The following NFASC variants were observed in gnomAD, a reference collection of about 807,000 sequenced individuals.
NFASC encodes the protein neurofascin.
NFASC carries 43 observed loss-of-function variants against 147.5 expected under a neutral mutation model. That is an observed-to-expected ratio of 0.29 (90% CI 0.23 to 0.38). The LOEUF (loss-of-function observed/expected upper bound fraction) is 0.38. NFASC is among the 10% of genes least tolerant of loss of function. The pLI, the probability that NFASC is intolerant of heterozygous loss-of-function variation, is 1.00. For synonymous variants in NFASC, 622 were observed against 665.5 expected (o/e 0.93, Z 1.01); for missense variants, 1,320 against 1,689.0 (o/e 0.78, Z 3.83).
intron 8 of NFASC, chr1:204,962,230 C>G: frequency 7.8e-7 from 1 of 1,287,870 alleles, no homozygotes; most frequent in Non-Finnish European, 1.1e-6. Context: ...TGACTGATAC[C>G]ACGTCATTAA....
intron 1 of NFASC, among the ~76,000 whole-genome samples, chr1:204,885,391 G>A (rs538713328): frequency 8.3e-6 from 1 of 120,724 alleles, no homozygotes; most frequent in Non-Finnish European, 1.7e-5. Flanking sequence ...TTGCCCTGTG[G>A]GGGGGGAAGC....
At position 204,855,325 on chromosome 1, in the gene NFASC, C is replaced by G. The variant is rs182649158; in HGVS notation, c.-200+26543C>G. Among the ~76,000 whole-genome samples the G allele has an allele frequency of 7.2e-5, 11 of 152,310 alleles. No individual in the cohort carries two copies. In the East Asian group the frequency reaches 2.1e-3, roughly 29 times the overall value. On this transcript the variant is annotated intron_variant, in intron 1 of 29. Transcript: ENST00000339876. ...TGTATAACTGGGAACCAAGAGACAG[C>G]AATGGGATTGAGAAGGAGAAAGGCC...
chr1:204,870,340 A>G (rs1176578706), intron 1 of NFASC, among the ~76,000 whole-genome samples: 2 of 152,134 alleles, frequency 1.3e-5, no homozygotes, highest in Non-Finnish European at 2.9e-5. Flanking sequence ...TCTGTGCGGG[A>G]GCCATTGTCC....
chr1:204,931,142 C>T (rs1335281010), intron 2 of NFASC, among the ~76,000 whole-genome samples: 1 of 152,160 alleles, frequency 6.6e-6, no homozygotes, highest in African/African-American at 2.4e-5. Context: ...CTGAGCTGCT[C>T]TGCAAACATT....
intron 10 of NFASC, 49 bp downstream of exon 10, chr1:204,969,031 C>A (rs1412491217): frequency 1.3e-6 from 2 of 1,526,462 alleles, no homozygotes; most frequent in Admixed American, 1.8e-5. Context: ...ACCCTGAACA[C>A]CATGCCCACC....
rs1182937820 is a variant in NFASC at position 204,843,694 on chromosome 1, T to TTCTCTCTTTC, written c.-200+14928_-200+14937dup. ...TCCCTTCCTCCCTTCCTTTCTCCCT[T>TTCTCTCTTTC]TCTCTCTTTCTCTCTCTTTCTCTCT... On this transcript the variant is annotated intron_variant, in intron 1 of 29. Coordinates refer to ENST00000339876, the MANE Select transcript of NFASC (RefSeq NM_001005388.3). Among the ~76,000 whole-genome samples, 14 of 140,532 alleles carry TTCTCTCTTTC rather than the reference T, an allele frequency of 1.0e-4. No individual in the cohort carries two copies. The East Asian group carries it at 3.2e-3, about 32-fold the overall frequency. The allele number at this position is 140,532 out of a possible 152,430, so 92.2% of individuals were successfully genotyped here.
rs373195062 is a variant in NFASC at position 204,858,256 on chromosome 1, G to T, written c.-200+29474G>T. Among the ~76,000 whole-genome samples, 165 of 152,162 alleles carry T rather than the reference G, an allele frequency of 1.1e-3. 1 individual carries two copies. Among genetic ancestry groups the T allele is most frequent in the South Asian group, 4.4e-3 (21 of 4,812 alleles). ...TCTTATAAGGATGCCAGTCATATTG[G>T]ATTAAGGCCTACCCATGTGAGCTCC... is the stretch of plus-strand genomic sequence containing the variant. On this transcript the variant is annotated intron_variant, in intron 1 of 29. Transcript: ENST00000339876.
intron 2 of NFASC, among the ~76,000 whole-genome samples, chr1:204,923,706 A>G (rs1160718768): frequency 6.6e-6 from 1 of 151,622 alleles, no homozygotes; most frequent in African/African-American, 2.4e-5. Context: ...CCCCAAACCG[A>G]TTTCAGGCCC....
chr1:204,851,608 G>C (rs548765743), intron 1 of NFASC, among the ~76,000 whole-genome samples: 11 of 152,094 alleles, frequency 7.2e-5, no homozygotes, highest in Non-Finnish European at 1.0e-4. Context: ...GCTGGAATTA[G>C]AGTCATGAGC....
At chr1:205,007,787 G>A (rs1329430478) in intron 27 of NFASC, among the ~76,000 whole-genome samples, 4 of 152,202 alleles carry the variant, frequency 2.6e-5, no homozygotes, top group Admixed American at 2.6e-4. Flanking sequence ...GGACTAGAGA[G>A]ATGGCCAGGG....
chr1:204,940,436 G>A (rs1348435107), intron 2 of NFASC, among the ~76,000 whole-genome samples: 1 of 152,218 alleles, frequency 6.6e-6, no homozygotes, highest in Non-Finnish European at 1.5e-5. Flanking sequence ...CTGGGCAACA[G>A]AGTGAGATTC....
intron 28 of NFASC, among the ~76,000 whole-genome samples, chr1:205,012,260 AG>A (rs2096267621): frequency 6.6e-6 from 1 of 152,186 alleles, no homozygotes; most frequent in Admixed American, 6.5e-5. Context: ...CACGCCAACA[AG>A]GGGGTCACAG....
chr1:204,985,620 G>A (rs1272048228), intron 21 of NFASC, among the ~76,000 whole-genome samples: 3 of 152,212 alleles, frequency 2.0e-5, no homozygotes, highest in Non-Finnish European at 2.9e-5. Context: ...TCATGATGGA[G>A]CAGCTCAGAT....
rs191293568 is a variant in NFASC at position 204,996,885 on chromosome 1, C to T, written c.2783-285C>T. ...AGCGATTCAGCCCGTGCCCCCTTCC[C>T]GTCTCATCCTCACGCATCCTTGGCT... is the stretch of plus-strand genomic sequence containing the variant. On this transcript the variant is annotated intron_variant, in intron 24 of 29. Coordinates refer to ENST00000339876, the MANE Select transcript of NFASC (RefSeq NM_001005388.3). Among the ~76,000 whole-genome samples, 432 of 152,290 alleles carry T rather than the reference C, an allele frequency of 2.8e-3. 2 individuals are homozygous for T. The highest frequency in any genetic ancestry group is 9.8e-3 in the African/African-American group (409 of 41,560).
At chr1:205,012,345 G>A (rs1350911440) in intron 28 of NFASC, among the ~76,000 whole-genome samples, 1 of 152,220 alleles carries the variant, frequency 6.6e-6, no homozygotes, top group African/African-American at 2.4e-5. Flanking sequence ...TAGGAACTGT[G>A]AAGAAGCACA....
intron 1 of NFASC, among the ~76,000 whole-genome samples, chr1:204,865,754 T>G (rs2077056862): frequency 6.6e-6 from 1 of 152,234 alleles, no homozygotes; most frequent in Non-Finnish European, 1.5e-5. Context: ...TTTTGCCTAG[T>G]TGAGGCCTCT....
chr1:204,930,045 C>A (rs1394279917), intron 2 of NFASC, among the ~76,000 whole-genome samples: 1 of 152,128 alleles, frequency 6.6e-6, no homozygotes, highest in Non-Finnish European at 1.5e-5. Context: ...CCTAGCCGAT[C>A]CCTGGGCTGA....
rs1465758525 is a variant in NFASC at position 204,980,371 on chromosome 1, C to G, written c.2178C>G (p.Pro726=). Residue 726 remains proline, a splice_region_variant and synonymous_variant, in exon 20 of 30, where the codon CCC becomes CCG. Coordinates refer to ENST00000339876, the MANE Select transcript of NFASC (RefSeq NM_001005388.3). ...PSERYRTSGA[P]PESNPGDVKG... is the part of the protein sequence containing the mutation. ...AGCCTGTGTCTGTTTGGGTTCCAGC[C>G]CCCGAGTCCAATCCTGGTGACGTGA... The G allele has an allele frequency of 6.2e-7, 1 of 1,613,384 alleles. No homozygotes were observed.
At chr1:204,935,599 G>T (rs1482978343) in intron 2 of NFASC, among the ~76,000 whole-genome samples, 1 of 152,202 alleles carries the variant, frequency 6.6e-6, no homozygotes, top group African/African-American at 2.4e-5. Context: ...CAGAGCTTGT[G>T]TGTCAGGACT....
Sources: gnomAD v4.1 joint callset for allele counts (sites outside exome capture counted in the v4.1 genomes callset) on GRCh38, gnomAD v4.1.1 for gene constraint, MANE v1.5 for transcripts, NCBI Gene and HGNC (gene_info 2026-07-23, HGNC 2026-07-21) for gene names.